Variants in WDR91 observed in about 807,000 individuals in gnomAD.
The protein encoded by WDR91 is WD repeat-containing protein 91.
A neutral mutation model predicts 88.4 loss-of-function variants in WDR91; 52 were observed. The observed-to-expected ratio is 0.59, with a 90% confidence interval of 0.47 to 0.74. WDR91 has a LOEUF of 0.74. Among genes scored for constraint, WDR91 ranks in the 30% least tolerant of loss-of-function variants. WDR91 has a pLI of 0.00. For missense variants in WDR91, 824 were observed against 954.5 expected (o/e 0.86, Z 1.80); for synonymous variants, 362 against 389.5 (o/e 0.93, Z 0.83).
chr7:135,188,632 A>C, intron 12 of WDR91, 87 bp from the exon 13 acceptor site: 3 of 1,150,940 alleles, frequency 2.6e-6, no homozygotes, highest in Non-Finnish European at 3.9e-6. Flanking sequence ...CTCACCCTCT[A>C]CTCAGGCTGA....
rs772342842 is a variant in WDR91 at position 135,211,407 on chromosome 7, G to A, written c.96C>T (p.Ile32=). ...GGAACCCCTTCTCCTTGTCCGCCTTGATCTCGGCGTCCAGCTGCCGCAGTG... is the reference window on the plus strand; with the variant it reads ...GGAACCCCTTCTCCTTGTCCGCCTTAATCTCGGCGTCCAGCTGCCGCAGTG... ...THTLRQLDAE[I]KADKEKGFRV... The change falls in exon 1 of 15, where the codon ATC becomes ATT. Residue 32 remains isoleucine (I), a synonymous_variant. Transcript: ENST00000354475. 23 of 1,611,756 alleles carry A rather than the reference G, an allele frequency of 1.4e-5. No homozygotes were observed. In the African/African-American group the frequency reaches 3.1e-4, roughly 22 times the overall value.
At position 135,191,820 on chromosome 7, in the gene WDR91, G is replaced by A. The variant is rs1247784655; in HGVS notation, c.1659+1411C>T. On this transcript the variant is annotated intron_variant, in intron 11 of 14. Coordinates refer to ENST00000354475, the MANE Select transcript of WDR91 (RefSeq NM_014149.4). ...CTATGATTTCAATATGCTTTTGTATGTATTCAATGTCTAATTAAAAACTTG... is the reference window on the plus strand; with the variant it reads ...CTATGATTTCAATATGCTTTTGTATATATTCAATGTCTAATTAAAAACTTG... Among the ~76,000 whole-genome samples, 5 of 152,238 alleles carry A rather than the reference G, an allele frequency of 3.3e-5. No homozygotes were observed. The East Asian group carries it at 9.6e-4, about 29-fold the overall frequency.
At chr7:135,209,029 G>A (rs376214265) in intron 2 of WDR91, 31 bp from the exon 3 acceptor site, 18 of 1,597,092 alleles carry the variant, frequency 1.1e-5, no homozygotes, top group Non-Finnish European at 1.5e-5. Context: ...AGCAAGGAGG[G>A]AGGAGAGACA....
Position 135,188,865 on chromosome 7 carries a change from TC to T in WDR91, c.1769-321del, listed in dbSNP as rs759032698. 2.0e-5 allele frequency among the ~76,000 whole-genome samples: 3 copies of T among 152,140 alleles called. No homozygotes were observed. The South Asian group carries it at 6.2e-4, about 31-fold the overall frequency. On this transcript the variant is annotated intron_variant, in intron 12 of 14. Transcript: ENST00000354475. ...GTAACTTCCCCATGTGCCCTGGGAATCCCCTAAAGATACAGTTGCCTTGCCC... is the reference window on the plus strand; with the variant it reads ...GTAACTTCCCCATGTGCCCTGGGAATCCCTAAAGATACAGTTGCCTTGCCC...
rs752253667 is a variant in WDR91 at position 135,187,143 on chromosome 7, A to G, written c.1908T>C (p.Ser636=). The change falls in exon 14 of 15, where the codon AGT becomes AGC. Residue 636 remains serine, a synonymous_variant. Transcript: ENST00000354475. ...GGCTGTACTCGGATACCTTGAGGCC[A>G]CTCTTGTGGATGTTCCACTGGATGA... The part of the protein sequence containing the change: ...GKFIQWNIHK[S]GLKVSEYSLP... The G allele has an allele frequency of 3.7e-6, 6 of 1,614,118 alleles. No individual in the cohort carries two copies. The South Asian group carries it at 6.6e-5, about 18-fold the overall frequency.
At chr7:135,208,225 G>A (rs1034974597) in intron 3 of WDR91, among the ~76,000 whole-genome samples, 1 of 152,150 alleles carries the variant, frequency 6.6e-6, no homozygotes, top group African/African-American at 2.4e-5. Flanking sequence ...TTGTACACTT[G>A]GTAGGCTGTA....
At position 135,193,275 on chromosome 7, in the gene WDR91, G is replaced by C; in HGVS notation, c.1615C>G (p.Pro539Ala). 1.2e-6 allele frequency: 2 copies of C among 1,614,190 alleles called. No individual in the cohort carries two copies. The highest frequency in any genetic ancestry group is 1.7e-6 in the Non-Finnish European group (2 of 1,180,048). Reference protein sequence around the residue: ...DIGSKGMNQVPGRLLLWDTKT... With the variant: ...DIGSKGMNQVAGRLLLWDTKT... ...GTGTCCCACAGCAGCAGCCTGCCAG[G>C]AACCTGGTTCATGCCCTTGCTGCCG... is the stretch of plus-strand genomic sequence containing the variant. Residue 539 changes from proline (P) to alanine (A), a missense_variant, in exon 11 of 15, where the codon CCT (proline) becomes GCT (alanine). Transcript: ENST00000354475.
At position 135,195,036 on chromosome 7, in the gene WDR91, G is replaced by A; in HGVS notation, c.1293C>T (p.Val431=). ...RRVASLDVDG[V]IKVWSFNPIM... ...TGGGGTTGAAGGACCACACTTTGAT[G>A]ACCCCATCTACGTCTAAGCTGGCGA... The change falls in exon 9 of 15, where the codon GTC becomes GTT. Residue 431 remains valine, a synonymous_variant. Coordinates refer to ENST00000354475, the MANE Select transcript of WDR91 (RefSeq NM_014149.4). The A allele has an allele frequency of 1.2e-6, 2 of 1,614,072 alleles. No individual in the cohort carries two copies. The highest frequency in any genetic ancestry group is 4.5e-5 in the East Asian group (2 of 44,874).
intron 9 of WDR91, 74 bp from the exon 10 acceptor site, chr7:135,193,746 G>C (rs1465372466): frequency 7.5e-7 from 1 of 1,333,604 alleles, no homozygotes; most frequent in African/African-American, 1.4e-5. Context: ...CTCCAGAGGG[G>C]GTGAGGCTGG....
chr7:135,193,947 T>A (rs1831270085), intron 9 of WDR91: 1 of 392,648 alleles, frequency 2.5e-6, no homozygotes, highest in Non-Finnish European at 4.7e-6. Flanking sequence ...ATGTTCTGGC[T>A]GGTGAATGAG....
intron 7 of WDR91, 76 bp downstream of exon 7, chr7:135,197,908 CAGAAGAGAG>C: frequency 6.6e-7 from 1 of 1,511,536 alleles, no homozygotes; most frequent in South Asian, 1.3e-5. Context: ...CTGCAGAACT[CAGAAGAGAG>C]AGAAGAGAAG....
intron 9 of WDR91, chr7:135,193,913 G>A (rs150548564): frequency 9.8e-4 from 493 of 500,678 alleles, no homozygotes; most frequent in African/African-American, 8.5e-3. Context: ...TGGGAGAGAC[G>A]CGTCACCTTG....
Position 135,185,142 on chromosome 7 carries a change from T to C in WDR91, c.*1009A>G, listed in dbSNP as rs1830888603. On this transcript the variant is annotated 3_prime_UTR_variant, in exon 15 of 15. Transcript: ENST00000354475. ...ACCTTGGCCTCCCAAAGTGCTGGGA[T>C]TACAGACGTGAGCCACCGTGCCCAG... 6.6e-6 allele frequency: 1 copy of C among 152,200 alleles called. No homozygotes were observed. The highest frequency in any genetic ancestry group is 6.5e-5 in the Admixed American group (1 of 15,278). The allele number at this position is 152,200 out of a possible 1,614,324, so 9.4% of individuals were successfully genotyped here.
intron 5 of WDR91, 42 bp downstream of exon 5, chr7:135,205,884 GCA>G: frequency 6.2e-7 from 1 of 1,611,108 alleles, no homozygotes; most frequent in Middle Eastern, 2.2e-4. Context: ...GGGGCTGAGA[GCA>G]CAGAGGGCAA....
chr7:135,188,401 T>C (rs767132140), intron 13 of WDR91, 32 bp downstream of exon 13: 3 of 1,589,036 alleles, frequency 1.9e-6, no homozygotes, highest in African/African-American at 2.7e-5. Context: ...GTCATCCCGG[T>C]GCTCTCTTAT....
At chr7:135,207,035 T>A (rs753828438) in intron 4 of WDR91, 85 bp downstream of exon 4, 2 of 1,132,208 alleles carry the variant, frequency 1.8e-6, no homozygotes, top group Non-Finnish European at 2.5e-6. Flanking sequence ...GAAACCTGAT[T>A]AATATAGTGT....
Position 135,196,752 on chromosome 7 carries a change from C to T in WDR91, c.1051-415G>A, listed in dbSNP as rs545667420. On this transcript the variant is annotated intron_variant, in intron 7 of 14. Transcript: ENST00000354475. The surrounding 1 kb of genome is among the most constrained non-coding windows in gnomAD (Gnocchi z 4.2). The stretch of plus-strand genomic sequence containing the variant: ...AGATGCTATTATCTTCCCCATTTTA[C>T]AGCTGTGGAAACTAAAAGACTGAAA... Among the ~76,000 whole-genome samples, 1 of 152,208 alleles carries T rather than the reference C, an allele frequency of 6.6e-6. No homozygotes were observed. Among genetic ancestry groups the T allele is most frequent in the South Asian group, 2.1e-4 (1 of 4,828 alleles).
At chr7:135,186,938 A>G (rs747766390) in intron 14 of WDR91, 34 bp downstream of exon 14, 1 of 1,612,004 alleles carries the variant, frequency 6.2e-7, no homozygotes, top group South Asian at 1.1e-5. Context: ...GCCCACCACA[A>G]TACCACTACC....
chr7:135,200,122 C>T (rs1312103102), intron 6 of WDR91: 1 of 152,212 alleles, frequency 6.6e-6, no homozygotes, highest in Non-Finnish European at 1.5e-5. Context: ...ATGTTAATCA[C>T]TGAATAACAA....
Sources: gnomAD v4.1 joint callset for allele counts (sites outside exome capture counted in the v4.1 genomes callset) on GRCh38, gnomAD v4.1.1 for gene constraint, Gnocchi (gnomAD v3.1) non-coding constraint, MANE v1.5 for transcripts, NCBI Gene and HGNC (gene_info 2026-07-23, HGNC 2026-07-21) for gene names.